SHLD1: variants seen among roughly 807,000 people sequenced by gnomAD.
SHLD1 encodes RINN1-REV7-interacting novel NHEJ regulator 3.
Under a neutral mutation model 5.5 loss-of-function variants are expected in SHLD1, and 3 were observed. The observed-to-expected ratio is 0.54, with a 90% CI of 0.25 to 1.40. The LOEUF (loss-of-function observed/expected upper bound fraction) is 1.40. SHLD1 is among the 40% of genes most tolerant of loss of function. The probability of loss-of-function intolerance (pLI) is 0.15; values close to 1 mark genes in which losing one functional copy is unlikely to be tolerated. For missense variants in SHLD1, 210 were observed against 244.4 expected, an observed-to-expected ratio of 0.86 and a Z score of 0.94; for synonymous variants, 92 against 94.3, an observed-to-expected ratio of 0.98 and a Z score of 0.14.
At chr20:5,813,879 T>C (rs1466353483) in intron 2 of SHLD1, among the ~76,000 whole-genome samples, 7 of 151,402 alleles carry the variant, frequency 4.6e-5, no homozygotes, top group Admixed American at 4.6e-4. Flanking sequence ...AACAAAAAAC[T>C]GAATTAAGTG....
At chr20:5,775,723 C>A (rs552991215) in intron 2 of SHLD1, among the ~76,000 whole-genome samples, 1 of 152,008 alleles carries the variant, frequency 6.6e-6, no homozygotes, top group African/African-American at 2.4e-5. Context: ...TGACTTTGGG[C>A]GAGCCACTTA....
chr20:5,756,607 C>T (rs1319953314), intron 1 of SHLD1: 1 of 165,172 alleles, frequency 6.1e-6, no homozygotes, highest in Non-Finnish European at 1.3e-5. Context: ...GATCTTGTAT[C>T]ATGTGACCTT....
At position 5,855,450 on chromosome 20, in the gene SHLD1, C is replaced by T. The variant is rs2088070039; in HGVS notation, c.179-7574C>T. Among the ~76,000 whole-genome samples, 1 of 152,160 alleles carries T rather than the reference C, an allele frequency of 6.6e-6. No individual in the cohort carries two copies. The highest frequency in any genetic ancestry group is 2.4e-5 in the African/African-American group (1 of 41,432). On this transcript the variant is annotated intron_variant, in intron 2 of 2. Coordinates refer to ENST00000303142, the MANE Select transcript of SHLD1 (RefSeq NM_152504.4). This position sits in a 1 kb window ranked among gnomAD's most constrained non-coding sequence, Gnocchi z 4.4. ...ACAGTGGGATGATCTTGGCTCATGG[C>T]AACCTCCACCTCCCGCGTTCAAGAG...
intron 2 of SHLD1, among the ~76,000 whole-genome samples, chr20:5,801,062 A>G (rs1189785635): frequency 7.2e-6 from 1 of 139,736 alleles, no homozygotes; most frequent in East Asian, 2.2e-4. Flanking sequence ...GGGACCTAAC[A>G]GCCACCATCT....
chr20:5,791,914 T>C (rs954587455), intron 2 of SHLD1, among the ~76,000 whole-genome samples: 4 of 152,256 alleles, frequency 2.6e-5, no homozygotes, highest in African/African-American at 9.6e-5. Context: ...TGTGAGGTGA[T>C]ATCTCACTCT....
chr20:5,844,799 A>ATATATTTTT (rs1460082835), intron 2 of SHLD1, among the ~76,000 whole-genome samples: 19 of 71,712 alleles, frequency 2.6e-4, no homozygotes, highest in South Asian at 2.0e-3. Context: ...ATATATATAT[A>ATATATTTTT]TTTTTTTTTT....
chr20:5,763,254 C>A (rs1197976894), intron 1 of SHLD1, among the ~76,000 whole-genome samples: 1 of 137,798 alleles, frequency 7.3e-6, no homozygotes, highest in Non-Finnish European at 1.5e-5. Flanking sequence ...TGCGCCATTG[C>A]ACTCCAGCCT....
intron 2 of SHLD1, among the ~76,000 whole-genome samples, chr20:5,787,900 C>G (rs1230131335): frequency 6.6e-6 from 1 of 152,132 alleles, no homozygotes; most frequent in African/African-American, 2.4e-5. Flanking sequence ...TTGTTTAACT[C>G]TTGACTAGAA....
intron 2 of SHLD1, among the ~76,000 whole-genome samples, chr20:5,811,728 C>T (rs1346720638): frequency 6.6e-6 from 1 of 152,022 alleles, no homozygotes; most frequent in African/African-American, 2.4e-5. Flanking sequence ...TGGTGGTGCA[C>T]ACCTTTGGTC....
intron 2 of SHLD1, among the ~76,000 whole-genome samples, chr20:5,816,089 GAAAAA>G (rs141881349): frequency 4.6e-5 from 4 of 86,322 alleles, no homozygotes; most frequent in Middle Eastern, 7.2e-3. Flanking sequence ...TCAAAAAAAC[GAAAAA>G]AAAAAAAAAA....
intron 2 of SHLD1, among the ~76,000 whole-genome samples, chr20:5,814,252 G>A (rs745399188): frequency 5.9e-5 from 9 of 151,832 alleles, no homozygotes; most frequent in Non-Finnish European, 1.2e-4. Context: ...CACCGCGCCC[G>A]ACCCCTCAAA....
chr20:5,788,914 T>A (rs929105242), intron 2 of SHLD1, among the ~76,000 whole-genome samples: 2 of 152,098 alleles, frequency 1.3e-5, no homozygotes, highest in African/African-American at 4.8e-5. Flanking sequence ...GGTGGATCAC[T>A]TGAGATCAGG....
intron 1 of SHLD1, among the ~76,000 whole-genome samples, chr20:5,759,767 T>C (rs903651071): frequency 7.9e-5 from 12 of 152,034 alleles, no homozygotes; most frequent in African/African-American, 1.7e-4. Flanking sequence ...TCTCAAATTA[T>C]TGGGCTCAAG....
At chr20:5,801,809 A>C (rs1173711581) in intron 2 of SHLD1, among the ~76,000 whole-genome samples, 1 of 152,102 alleles carries the variant, frequency 6.6e-6, no homozygotes, top group African/African-American at 2.4e-5. Flanking sequence ...TATCCCATAG[A>C]TGGGAAAATT....
intron 2 of SHLD1, among the ~76,000 whole-genome samples, chr20:5,844,785 A>ATTTTTTTTTTT (rs1451016272): frequency 9.8e-6 from 1 of 102,402 alleles, no homozygotes. Context: ...ATATATATAT[A>ATTTTTTTTTTT]TATATATATA....
chr20:5,761,845 T>G (rs1399382191), intron 1 of SHLD1, among the ~76,000 whole-genome samples: 5 of 151,954 alleles, frequency 3.3e-5, no homozygotes. Flanking sequence ...TGACCTCAAG[T>G]CATCCACCTG....
intron 2 of SHLD1, among the ~76,000 whole-genome samples, chr20:5,844,336 CTT>C (rs2087900985): frequency 6.6e-6 from 1 of 152,230 alleles, no homozygotes; most frequent in South Asian, 2.1e-4. Flanking sequence ...TCCTGAAGCT[CTT>C]TGCTTGATTA....
At chr20:5,815,568 T>C (rs1238204321) in intron 2 of SHLD1, among the ~76,000 whole-genome samples, 2 of 152,182 alleles carry the variant, frequency 1.3e-5, no homozygotes, top group East Asian at 3.8e-4. Flanking sequence ...TTAAAATGAT[T>C]ATTTTTAAAA....
At chr20:5,833,872 A>G (rs1434522567) in intron 2 of SHLD1, among the ~76,000 whole-genome samples, 3 of 152,154 alleles carry the variant, frequency 2.0e-5, no homozygotes, top group Non-Finnish European at 4.4e-5. Context: ...TTAGATTCAC[A>G]TCTTTGTCAT....
Sources: allele counts gnomAD v4.1 joint callset (sites outside exome capture counted in the v4.1 genomes callset), GRCh38; gene constraint gnomAD v4.1.1; non-coding constraint Gnocchi (gnomAD v3.1); transcripts MANE v1.5; gene names NCBI Gene and HGNC (gene_info 2026-07-23, HGNC 2026-07-21).